Variants in CREG2 observed in about 807,000 individuals in gnomAD.
CREG2 encodes the protein cellular repressor of E1A stimulated genes 2.
A neutral mutation model predicts 26.2 loss-of-function variants in CREG2; 24 were observed. The ratio of observed to expected loss-of-function variants is 0.92; its 90% CI spans 0.66 to 1.29. The LOEUF is 1.29. CREG2 is among the 50% of genes most tolerant of loss of function. The probability of loss-of-function intolerance (pLI) is 0.00; values close to 1 mark genes in which losing one functional copy is unlikely to be tolerated. For missense variants in CREG2, 366 were observed against 398.6 expected (o/e 0.92, Z 0.70); for synonymous variants, 174 against 169.2 (o/e 1.03, Z -0.22).
At chr2:101,351,766 T>C (rs562192944) in intron 3 of CREG2, among the ~76,000 whole-genome samples, 1 of 152,262 alleles carries the variant, frequency 6.6e-6, no homozygotes, top group Non-Finnish European at 1.5e-5. Flanking sequence ...TTTTTTAACT[T>C]CATAAAAATT....
At chr2:101,360,500 C>T (rs950749575) in intron 2 of CREG2, among the ~76,000 whole-genome samples, 1 of 152,100 alleles carries the variant, frequency 6.6e-6, no homozygotes, top group African/African-American at 2.4e-5. Context: ...TTTGGGAGGC[C>T]AACGTAGGCA....
At chr2:101,357,853 C>T (rs1684484350) in intron 2 of CREG2, among the ~76,000 whole-genome samples, 1 of 151,466 alleles carries the variant, frequency 6.6e-6, no homozygotes, top group Non-Finnish European at 1.5e-5. Flanking sequence ...GAAAGCTAGG[C>T]TACCTCCCAG....
intron 2 of CREG2, among the ~76,000 whole-genome samples, chr2:101,366,053 T>C (rs1340765564): frequency 6.6e-6 from 1 of 152,236 alleles, no homozygotes; most frequent in Non-Finnish European, 1.5e-5. Flanking sequence ...TATGAGAATA[T>C]GACCATGCAA....
At chr2:101,354,453 C>A (rs6732377) in intron 3 of CREG2, among the ~76,000 whole-genome samples, 102,214 of 151,870 alleles carry the variant, frequency 0.67, 36,273 homozygotes, top group South Asian at 0.78. Flanking sequence ...TCCCTGCGTG[C>A]AGGATCTTCT....
chr2:101,351,596 G>A (rs961821081), intron 3 of CREG2, among the ~76,000 whole-genome samples: 2 of 152,130 alleles, frequency 1.3e-5, no homozygotes, highest in African/African-American at 4.8e-5. Context: ...ATTTCCAGTC[G>A]TGCAGCAGGC....
chr2:101,362,334 A>T (rs1684555065), intron 2 of CREG2, among the ~76,000 whole-genome samples: 1 of 152,170 alleles, frequency 6.6e-6, no homozygotes, highest in Non-Finnish European at 1.5e-5. Context: ...TTTCGTTGAC[A>T]TTGTTTAGCC....
intron 3 of CREG2, 31 bp downstream of exon 3, chr2:101,355,222 T>G: frequency 2.2e-6 from 3 of 1,344,940 alleles, no homozygotes; most frequent in Non-Finnish European, 3.2e-6. Context: ...TGTGTATTTC[T>G]GGGCATATAA....
rs1310435069 is a variant in CREG2 at position 101,348,569 on chromosome 2, A to G, written c.*2354T>C. ...TGATTGCAAATGGTATTGTGTTTTTAGTTTTTTTCCCCACATGTTCATCGT... is the reference window on the plus strand; with the variant it reads ...TGATTGCAAATGGTATTGTGTTTTTGGTTTTTTTCCCCACATGTTCATCGT... On this transcript the variant is annotated 3_prime_UTR_variant, in exon 4 of 4. Transcript: ENST00000324768. 1 of 152,012 alleles carries G rather than the reference A, an allele frequency of 6.6e-6. No homozygotes were observed. Among genetic ancestry groups the G allele is most frequent in the Admixed American group, 6.6e-5 (1 of 15,252 alleles). The allele number at this position is 152,012 out of a possible 1,614,324, so 9.4% of individuals were successfully genotyped here.
rs1684350892 is a variant in CREG2 at position 101,349,806 on chromosome 2, C to A, written c.*1117G>T. 6.6e-6 allele frequency: 1 copy of A among 151,778 alleles called. No homozygotes were observed. The highest frequency in any genetic ancestry group is 2.4e-5 in the African/African-American group (1 of 41,296). 9.4% of individuals were successfully genotyped at this position (151,778 alleles called of 1,614,324 possible). On this transcript the variant is annotated 3_prime_UTR_variant, in exon 4 of 4. Coordinates refer to ENST00000324768, the MANE Select transcript of CREG2 (RefSeq NM_153836.4). ...CAAGCTAGTCCTTCTTTTTTACAAT[C>A]ACTTTACTGATTTTCCTGGTTCAAT...
rs138973393 is a variant in CREG2 at position 101,383,669 on chromosome 2, C to T, written c.475G>A (p.Val159Ile). The T allele has an allele frequency of 2.2e-3, 3,539 of 1,611,250 alleles. 8 individuals are homozygous for T. The highest frequency in any genetic ancestry group is 2.7e-3 in the Non-Finnish European group (3,197 of 1,178,348). Residue 159 changes from valine to isoleucine, a missense_variant, in exon 2 of 4, where the codon GTC (valine) becomes ATC (isoleucine). Around this residue, in one of 3 missense-constraint regions of CREG2, gnomAD observed 174 missense variants for 178.2 expected, o/e 0.98. Coordinates refer to ENST00000324768, the MANE Select transcript of CREG2 (RefSeq NM_153836.4). ...QGLPFGNCLPVSDGPFNNSTG... is the reference protein window; with the variant it reads ...QGLPFGNCLPISDGPFNNSTG... ...CTATTGTTGAAGGGGCCATCACTGA[C>T]GGGCAGGCAGTTCCCAAATGGCAGT... is the stretch of plus-strand genomic sequence containing the variant.
chr2:101,356,906 T>C (rs1043585987), intron 2 of CREG2, among the ~76,000 whole-genome samples: 2 of 152,034 alleles, frequency 1.3e-5, no homozygotes, highest in South Asian at 4.2e-4. Flanking sequence ...TCTTTTTTTT[T>C]TGAGATGGAG....
chr2:101,368,560 G>A (rs900765884), intron 2 of CREG2, among the ~76,000 whole-genome samples: 1 of 152,132 alleles, frequency 6.6e-6, no homozygotes, highest in Non-Finnish European at 1.5e-5. Flanking sequence ...GACACCAGAC[G>A]GCTTGCCACG....
chr2:101,382,923 C>T (rs1283138380), intron 2 of CREG2: 1 of 985,724 alleles, frequency 1.0e-6, no homozygotes. Context: ...GCAGACATTT[C>T]CCGGGGAGGA....
At chr2:101,383,504 C>A (rs551470301) in intron 2 of CREG2, 29 bp downstream of exon 2, 7 of 1,611,546 alleles carry the variant, frequency 4.3e-6, no homozygotes, top group Non-Finnish European at 5.9e-6. Context: ...TCCCAGGACC[C>A]GTGTGAGTGA....
At chr2:101,383,800 G>A in intron 1 of CREG2, 98 bp from the exon 2 acceptor site, 1 of 1,102,568 alleles carries the variant, frequency 9.1e-7, no homozygotes, top group Non-Finnish European at 1.3e-6. Flanking sequence ...ACAACACCAG[G>A]GATGAGGGGG....
chr2:101,356,833 T>C (rs546216541), intron 2 of CREG2, among the ~76,000 whole-genome samples: 1 of 152,292 alleles, frequency 6.6e-6, no homozygotes, highest in East Asian at 1.9e-4. Context: ...AGAATTATCC[T>C]AAGACTTGTT....
intron 2 of CREG2, among the ~76,000 whole-genome samples, chr2:101,370,740 T>G (rs188939152): frequency 6.6e-6 from 1 of 152,274 alleles, no homozygotes; most frequent in East Asian, 1.9e-4. Flanking sequence ...GGTTTAGTCA[T>G]GCTGAAGCCC....
chr2:101,362,875 C>T (rs75743811), intron 2 of CREG2, among the ~76,000 whole-genome samples: 2,603 of 152,240 alleles, frequency 0.017, 75 homozygotes, highest in African/African-American at 0.059. Flanking sequence ...TCAAAGTGGC[C>T]ATCTGGGGAG....
At chr2:101,353,665 G>A (rs572728307) in intron 3 of CREG2, among the ~76,000 whole-genome samples, 3 of 152,252 alleles carry the variant, frequency 2.0e-5, no homozygotes, top group Middle Eastern at 3.4e-3. Flanking sequence ...ACATGCACAC[G>A]TATGTTTATT....
Sources: allele counts gnomAD v4.1 joint callset (sites outside exome capture counted in the v4.1 genomes callset), GRCh38; gene constraint gnomAD v4.1.1; regional missense constraint gnomAD v4.1.1; transcripts MANE v1.5; gene names NCBI Gene and HGNC (gene_info 2026-07-23, HGNC 2026-07-21).